Variants in SCN8A observed in about 807,000 individuals in gnomAD.
SCN8A encodes the protein sodium channel protein type 8 subunit alpha.
SCN8A carries 30 observed loss-of-function variants against 184.1 expected under a neutral mutation model. The ratio of observed to expected loss-of-function variants is 0.16; its 90% CI spans 0.12 to 0.22. The LOEUF is 0.22. Ranked by LOEUF, SCN8A falls within the 10% of genes least tolerant of loss-of-function variation. The probability of loss-of-function intolerance (pLI) is 1.00; values close to 1 mark genes in which losing one functional copy is unlikely to be tolerated. For synonymous variants in SCN8A, 852 were observed against 907.0 expected (o/e 0.94, Z 1.09); for missense variants, 1,057 against 2,498.9 (o/e 0.42, Z 12.30).
chr12:51,688,657 A>G (rs1243887557), intron 5 of SCN8A: 1 of 780,268 alleles, frequency 1.3e-6, no homozygotes, highest in Non-Finnish European at 2.2e-6. Flanking sequence ...TCAAGGAAAA[A>G]AAATGAAACC....
intron 1 of SCN8A, among the ~76,000 whole-genome samples, chr12:51,594,435 A>G (rs1437675258): frequency 6.6e-6 from 1 of 152,184 alleles, no homozygotes; most frequent in Non-Finnish European, 1.5e-5. Context: ...AAATAGAGAC[A>G]TGTCCACCTA....
chr12:51,644,764 GGCC>G (rs1322896066), intron 1 of SCN8A, among the ~76,000 whole-genome samples: 1 of 151,802 alleles, frequency 6.6e-6, no homozygotes, highest in East Asian at 1.9e-4. Context: ...GTCTCTGCCC[GGCC>G]GCCATCCCAT....
intron 20 of SCN8A, 88 bp from the exon 21 acceptor site, chr12:51,780,561 C>CTTTTTTTTTTTTTTTTTTT (rs1565923413): frequency 2.2e-6 from 1 of 457,856 alleles, no homozygotes; most frequent in African/African-American, 1.1e-4. Flanking sequence ...CCTCTGTTTT[C>CTTTTTTTTTTTTTTTTTTT]TTTCTTTTTT....
At chr12:51,765,536 A>T in intron 15 of SCN8A, 135 bp from the exon 16 acceptor site, 1 of 600,914 alleles carries the variant, frequency 1.7e-6, no homozygotes. Context: ...ACTGTTAGAC[A>T]GTCCTGGGAA....
chr12:51,756,678 A>G (rs959608883), intron 14 of SCN8A, among the ~76,000 whole-genome samples: 1 of 152,064 alleles, frequency 6.6e-6, no homozygotes. Context: ...CAGACAGCCC[A>G]TGCCAGCCTG....
chr12:51,633,084 G>A (rs1940232476), intron 1 of SCN8A, among the ~76,000 whole-genome samples: 1 of 152,158 alleles, frequency 6.6e-6, no homozygotes, highest in Admixed American at 6.5e-5. Context: ...GTTACACATG[G>A]CATCGATCAT....
At chr12:51,600,393 A>G (rs920055491) in intron 1 of SCN8A, among the ~76,000 whole-genome samples, 5 of 152,222 alleles carry the variant, frequency 3.3e-5, no homozygotes, top group South Asian at 2.1e-4. Context: ...CATGTGCTTC[A>G]TGACAGCCAT....
At chr12:51,614,717 C>T (rs1939794811) in intron 1 of SCN8A, among the ~76,000 whole-genome samples, 1 of 151,326 alleles carries the variant, frequency 6.6e-6, no homozygotes, top group Admixed American at 6.6e-5. Context: ...TTGCATTTAA[C>T]ATTCTATTTT....
intron 26 of SCN8A, among the ~76,000 whole-genome samples, chr12:51,802,865 A>G (rs774836460): frequency 6.6e-6 from 1 of 152,234 alleles, no homozygotes; most frequent in Non-Finnish European, 1.5e-5. Context: ...TCTCCATACT[A>G]TCAGAAGTAG....
At chr12:51,693,997 A>G (rs1941553763) in intron 6 of SCN8A, among the ~76,000 whole-genome samples, 1 of 152,170 alleles carries the variant, frequency 6.6e-6, no homozygotes. Flanking sequence ...CAACGGCCTG[A>G]TCTCAGCTCA....
At chr12:51,673,949 T>A (rs1941177008) in intron 2 of SCN8A, among the ~76,000 whole-genome samples, 1 of 152,010 alleles carries the variant, frequency 6.6e-6, no homozygotes, top group South Asian at 2.1e-4. Context: ...AATATTAAAG[T>A]ATGGTTAAAA....
intron 20 of SCN8A, among the ~76,000 whole-genome samples, chr12:51,778,488 C>T (rs303801): frequency 0.62 from 93,617 of 151,758 alleles, 31,413 homozygotes; most frequent in Non-Finnish European, 0.76. Context: ...GGGGTTTCAC[C>T]ATGTTGGCCA....
chr12:51,794,571 G>A lies in SCN8A; in HGVS notation c.4725G>A (p.Ala1575=), dbSNP rs756326813. 145 of 1,613,778 alleles carry A rather than the reference G, an allele frequency of 9.0e-5. No homozygotes were observed. Among genetic ancestry groups the A allele is most frequent in the Non-Finnish European group, 1.1e-4 (130 of 1,179,874 alleles). ...GTGAGTGTGTGCTCAAAATGTTTGC[G>A]TTGAGGCACTACTACTTCACCATTG... ...FTCECVLKMF[A]LRHYYFTIGW... Residue 1575 remains alanine (A), a synonymous_variant, in exon 26 of 27, where the codon GCG becomes GCA. Transcript: ENST00000627620.
At chr12:51,608,299 C>T (rs559099258) in intron 1 of SCN8A, among the ~76,000 whole-genome samples, 2 of 152,164 alleles carry the variant, frequency 1.3e-5, no homozygotes, top group African/African-American at 4.8e-5. Flanking sequence ...CGTGAGCCAC[C>T]GCGCCTGGCC....
chr12:51,738,342 A>G (rs1481879883), intron 12 of SCN8A, among the ~76,000 whole-genome samples: 1 of 152,174 alleles, frequency 6.6e-6, no homozygotes. Flanking sequence ...GCCCCTCACA[A>G]TGCAAAATAT....
intron 1 of SCN8A, among the ~76,000 whole-genome samples, chr12:51,637,889 AGAG>A (rs1410279018): frequency 2.0e-5 from 3 of 152,324 alleles, no homozygotes; most frequent in African/African-American, 7.2e-5. Context: ...TCATAGCTAG[AGAG>A]GAGAAGTCAA....
At chr12:51,727,847 G>A (rs972201034) in intron 12 of SCN8A, among the ~76,000 whole-genome samples, 5 of 152,088 alleles carry the variant, frequency 3.3e-5, no homozygotes, top group Non-Finnish European at 5.9e-5. Context: ...CTACTCGAGA[G>A]GCTGAGGCAG....
chr12:51,805,577 G>C (rs1938676208), intron 26 of SCN8A, among the ~76,000 whole-genome samples: 1 of 151,938 alleles, frequency 6.6e-6, no homozygotes, highest in East Asian at 1.9e-4. Flanking sequence ...GCTTCATCTG[G>C]GAATGATGAA....
intron 12 of SCN8A, among the ~76,000 whole-genome samples, chr12:51,738,065 AC>A (rs1184099956): frequency 6.6e-6 from 1 of 152,214 alleles, no homozygotes; most frequent in Non-Finnish European, 1.5e-5. Flanking sequence ...TGGAGGCTTA[AC>A]AATGGCCGCC....
Sources: gnomAD v4.1 joint callset for allele counts (sites outside exome capture counted in the v4.1 genomes callset) on GRCh38, gnomAD v4.1.1 for gene constraint, MANE v1.5 for transcripts, NCBI Gene and HGNC (gene_info 2026-07-23, HGNC 2026-07-21) for gene names.